KCNIP4: variants seen among roughly 807,000 people sequenced by gnomAD.
The protein encoded by KCNIP4 is Kv channel-interacting protein 4.
Under a neutral mutation model 34.0 loss-of-function variants are expected in KCNIP4, and 12 were observed. That is an observed-to-expected ratio of 0.35 (90% CI 0.23 to 0.57). The LOEUF (loss-of-function observed/expected upper bound fraction) is 0.57, where lower values mean the gene tolerates loss of function less well. Ranked by LOEUF, KCNIP4 falls within the 20% of genes least tolerant of loss-of-function variation. KCNIP4 has a pLI of 0.83. For missense variants in KCNIP4, 238 were observed against 311.7 expected (o/e 0.76, Z 1.78); for synonymous variants, 124 against 102.2 (o/e 1.21, Z -1.29).
intron 1 of KCNIP4, among the ~76,000 whole-genome samples, chr4:21,064,320 T>C (rs773135748): frequency 6.6e-6 from 1 of 152,104 alleles, no homozygotes; most frequent in Non-Finnish European, 1.5e-5. Context: ...CCAAACATTC[T>C]GTTGAAGTGT....
intron 1 of KCNIP4, among the ~76,000 whole-genome samples, chr4:21,695,948 T>TA (rs1712260333): frequency 6.6e-6 from 1 of 151,996 alleles, no homozygotes; most frequent in Non-Finnish European, 1.5e-5. Context: ...GTCAAAGTCA[T>TA]AGTGATGGGA....
At chr4:21,066,904 G>A (rs1392668057) in intron 1 of KCNIP4, among the ~76,000 whole-genome samples, 1 of 152,154 alleles carries the variant, frequency 6.6e-6, no homozygotes. Context: ...ATGTGACCTG[G>A]TGAGATACCA....
intron 1 of KCNIP4, among the ~76,000 whole-genome samples, chr4:21,181,512 G>GCATCCATC (rs544807545): frequency 6.6e-6 from 1 of 151,986 alleles, no homozygotes; most frequent in Non-Finnish European, 1.5e-5. Context: ...ATACGTTCAT[G>GCATCCATC]CATCCATCCA....
At chr4:21,614,367 A>C (rs1293232343) in intron 1 of KCNIP4, among the ~76,000 whole-genome samples, 1 of 151,854 alleles carries the variant, frequency 6.6e-6, no homozygotes, top group Non-Finnish European at 1.5e-5. Flanking sequence ...CAACAGCTTA[A>C]TAGCAGTTCC....
intron 1 of KCNIP4, among the ~76,000 whole-genome samples, chr4:21,090,054 T>C (rs1289197015): frequency 2.0e-5 from 3 of 152,166 alleles, no homozygotes; most frequent in Non-Finnish European, 4.4e-5. Context: ...ATTACAAATT[T>C]CCCCTTCCCA....
At position 20,976,279 on chromosome 4, in the gene KCNIP4, C is replaced by G. The variant is rs143354489; in HGVS notation, c.62-93570G>C. ...TGGAAACTCCATGGGTTGGGCCCAA[C>G]AATCTGTGTCTAACAGGTCAGCTAG... On this transcript the variant is annotated intron_variant, in intron 1 of 8. Transcript: ENST00000382152. Among the ~76,000 whole-genome samples the G allele has an allele frequency of 2.6e-5, 4 of 152,174 alleles. No homozygotes were observed. In the South Asian group the frequency reaches 8.3e-4, roughly 32 times the overall value.
intron 1 of KCNIP4, among the ~76,000 whole-genome samples, chr4:21,276,614 T>C (rs1399133682): frequency 2.0e-5 from 3 of 152,170 alleles, no homozygotes; most frequent in Non-Finnish European, 2.9e-5. Context: ...CTATGTGTCT[T>C]ACCTATTTTG....
chr4:21,722,878 T>C (rs973728258), intron 1 of KCNIP4, among the ~76,000 whole-genome samples: 1 of 152,140 alleles, frequency 6.6e-6, no homozygotes, highest in Admixed American at 6.6e-5. Context: ...CGACTATATA[T>C]GCATTGGCAA....
chr4:21,593,509 C>A (rs1875783), intron 1 of KCNIP4, among the ~76,000 whole-genome samples: 2,409 of 152,080 alleles, frequency 0.016, 75 homozygotes, highest in African/African-American at 0.055. Context: ...ACTGTGGTCC[C>A]CGGACCTGGC....
At chr4:21,409,940 T>C (rs1724337401) in intron 1 of KCNIP4, among the ~76,000 whole-genome samples, 1 of 152,084 alleles carries the variant, frequency 6.6e-6, no homozygotes, top group African/African-American at 2.4e-5. Context: ...TGAAAAACAA[T>C]GAGCATGAGA....
intron 1 of KCNIP4, among the ~76,000 whole-genome samples, chr4:21,118,289 C>A (rs922769715): frequency 6.6e-5 from 10 of 152,146 alleles, no homozygotes; most frequent in African/African-American, 1.9e-4. Context: ...GCAAACTCTG[C>A]AGCAATCAGC....
chr4:20,825,617 C>G (rs928455936), intron 3 of KCNIP4, among the ~76,000 whole-genome samples: 2 of 152,076 alleles, frequency 1.3e-5, no homozygotes, highest in Admixed American at 1.3e-4. Context: ...AAGGTCTATG[C>G]CAGAGCTAGG....
chr4:21,082,865 T>TTCTACCTA (rs1746115481), intron 1 of KCNIP4, among the ~76,000 whole-genome samples: 1 of 147,684 alleles, frequency 6.8e-6, no homozygotes, highest in South Asian at 2.2e-4. Context: ...TGCCAGGTTA[T>TTCTACCTA]TCTATCTATC....
intron 1 of KCNIP4, among the ~76,000 whole-genome samples, chr4:21,371,807 A>C (rs1160123920): frequency 6.8e-6 from 1 of 147,254 alleles, no homozygotes; most frequent in Non-Finnish European, 1.5e-5. Flanking sequence ...ATTCAAATTC[A>C]TCATTTTAAA....
intron 1 of KCNIP4, among the ~76,000 whole-genome samples, chr4:21,437,333 C>T (rs1300617196): frequency 1.3e-5 from 2 of 152,152 alleles, no homozygotes; most frequent in Non-Finnish European, 2.9e-5. Context: ...CAAAGCAAGG[C>T]ATACTTTCTT....
intron 1 of KCNIP4, among the ~76,000 whole-genome samples, chr4:20,916,639 C>T (rs1488156169): frequency 6.6e-6 from 1 of 152,068 alleles, no homozygotes; most frequent in East Asian, 1.9e-4. Context: ...ATGGATGTAG[C>T]TTCTGTTAGC....
In KCNIP4 at chr4:21,874,154, G is replaced by A. The variant is rs142671152; in HGVS notation, c.61+74417C>T. Among the ~76,000 whole-genome samples, 4 of 152,314 alleles carry A rather than the reference G, an allele frequency of 2.6e-5. No homozygotes were observed. In the East Asian group the frequency reaches 7.7e-4, roughly 29 times the overall value. On this transcript the variant is annotated intron_variant, in intron 1 of 8. Transcript: ENST00000382152. ...TGGGTGGAATTGTTAGACCAGAATG[G>A]TTATGTCACATTCGATTACAATGTA...
At chr4:21,798,546 G>A (rs370816765) in intron 1 of KCNIP4, among the ~76,000 whole-genome samples, 3 of 114,282 alleles carry the variant, frequency 2.6e-5, no homozygotes. Context: ...AAGAGAGAGA[G>A]AGAAAGAGAG....
intron 1 of KCNIP4, among the ~76,000 whole-genome samples, chr4:21,945,857 T>A (rs1170769937): frequency 6.6e-6 from 1 of 151,480 alleles, no homozygotes; most frequent in Non-Finnish European, 1.5e-5. Context: ...GCTTTGGGTT[T>A]AACATGGAAG....
Sources: gnomAD v4.1 joint callset for allele counts (sites outside exome capture counted in the v4.1 genomes callset) on GRCh38, gnomAD v4.1.1 for gene constraint, MANE v1.5 for transcripts, NCBI Gene and HGNC (gene_info 2026-07-23, HGNC 2026-07-21) for gene names.